Variants in ZFAT observed in about 807,000 individuals in gnomAD.
ZFAT encodes zinc finger protein ZFAT.
In ZFAT, 64 loss-of-function variants were observed where a neutral mutation model predicts 117.7. The ratio of observed to expected loss-of-function variants is 0.54; its 90% CI spans 0.44 to 0.67. The LOEUF is 0.67. ZFAT is among the 30% of genes least tolerant of loss of function. The probability of loss-of-function intolerance (pLI) is 0.00; values close to 1 mark genes in which losing one functional copy is unlikely to be tolerated. For missense variants in ZFAT, 1,433 were observed against 1,584.5 expected (o/e 0.90, Z 1.62); for synonymous variants, 679 against 615.0 (o/e 1.10, Z -1.54).
At position 134,696,113 on chromosome 8, in the gene ZFAT, A is replaced by G. The variant is rs145664090; in HGVS notation, c.19+16732T>C. On this transcript the variant is annotated intron_variant, in intron 1 of 15. Transcript: ENST00000377838. Reference sequence around the variant, plus strand: ...CCAAGCCCTGCCCGCATTTCTAACCAAACAGGCACCACCCTAAGGCCCTGG... The same window carrying G: ...CCAAGCCCTGCCCGCATTTCTAACCGAACAGGCACCACCCTAAGGCCCTGG... Among the ~76,000 whole-genome samples the G allele has an allele frequency of 3.7e-4, 56 of 150,552 alleles. 1 individual carries two copies. The East Asian group carries it at 0.011, about 28-fold the overall frequency.
intron 3 of ZFAT, among the ~76,000 whole-genome samples, chr8:134,629,916 C>A (rs1586849440): frequency 6.6e-6 from 1 of 152,332 alleles, no homozygotes; most frequent in South Asian, 2.1e-4. Flanking sequence ...ACCACCCAGG[C>A]TCTCTTCCCT....
At chr8:134,805,033 G>C in the ZFAT span, 3 of 408,870 alleles carry the variant, frequency 7.3e-6, no homozygotes, top group Admixed American at 7.9e-5. Context: ...ATAATTTCTA[G>C]TGCTGAACAA....
the ZFAT span, chr8:134,783,671 A>G: frequency 6.6e-6 from 1 of 152,238 alleles, no homozygotes; most frequent in East Asian, 1.9e-4. Flanking sequence ...GTCCAGTTCA[A>G]TGACTCACAG....
At chr8:134,538,067 C>A (rs1340264496) in intron 11 of ZFAT, among the ~76,000 whole-genome samples, 2 of 152,166 alleles carry the variant, frequency 1.3e-5, no homozygotes, top group African/African-American at 4.8e-5. Context: ...AGGGCACAAG[C>A]AACTAGCAGA....
intron 11 of ZFAT, among the ~76,000 whole-genome samples, chr8:134,558,866 A>G (rs1823846343): frequency 6.6e-6 from 1 of 152,230 alleles, no homozygotes; most frequent in Non-Finnish European, 1.5e-5. Context: ...TTGTTAAATA[A>G]CACAGCCTAT....
chr8:134,640,870 G>T (rs961784342), intron 2 of ZFAT, among the ~76,000 whole-genome samples: 1 of 152,144 alleles, frequency 6.6e-6, no homozygotes, highest in African/African-American at 2.4e-5. Flanking sequence ...TGAGAATCTT[G>T]GGACTGGGCA....
At chr8:134,662,316 G>A (rs569959934) in intron 1 of ZFAT, among the ~76,000 whole-genome samples, 1 of 152,296 alleles carries the variant, frequency 6.6e-6, no homozygotes, top group South Asian at 2.1e-4. Context: ...ATTTTAGGAG[G>A]AAACAAACAT....
chr8:134,725,975 C>A, the ZFAT span, among the ~76,000 whole-genome samples: 1 of 152,114 alleles, frequency 6.6e-6, no homozygotes, highest in African/African-American at 2.4e-5. Context: ...ATTCCATTAA[C>A]TTATTCCATT....
the ZFAT span, among the ~76,000 whole-genome samples, chr8:134,763,528 G>T: frequency 6.6e-6 from 1 of 151,974 alleles, no homozygotes; most frequent in Non-Finnish European, 1.5e-5. Flanking sequence ...TCCTTACCGT[G>T]CCTTATTTTT....
At position 134,607,329 on chromosome 8, in the gene ZFAT, G is replaced by A. The variant is rs572769934; in HGVS notation, c.785+1400C>T. Among the ~76,000 whole-genome samples the A allele has an allele frequency of 9.8e-5, 15 of 152,294 alleles. No homozygotes were observed. In the South Asian group the frequency reaches 2.7e-3, roughly 27 times the overall value. ...ATTGTTCACATTTACAAGAATAGAG[G>A]ATTGAAGCTACAAATTAATGAAGCA... On this transcript the variant is annotated intron_variant, in intron 5 of 15. Coordinates refer to ENST00000377838, the MANE Select transcript of ZFAT (RefSeq NM_020863.4).
Position 134,478,678 on chromosome 8 carries a change from T to C in ZFAT, c.3536A>G (p.Gln1179Arg). The C allele has an allele frequency of 6.3e-7, 1 of 1,581,188 alleles. No individual in the cohort carries two copies. The highest frequency in any genetic ancestry group is 8.6e-7 in the Non-Finnish European group (1 of 1,164,126). ...EPSSNHTVMI[Q>R]ETVQQASVEL... ...CACGGACGCTTGCTGGACCGTCTCC[T>C]GGATCATGACCGTGTGGTTGGAGCT... Residue 1179 changes from glutamine to arginine, a missense_variant, in exon 16 of 16, where the codon CAG becomes CGG. Physicochemically the swap from Gln to Arg is conservative, Grantham distance 43 (BLOSUM62 1). Transcript: ENST00000377838. This position sits in a 1 kb window ranked among gnomAD's most constrained non-coding sequence, Gnocchi z 5.2.
intron 11 of ZFAT, among the ~76,000 whole-genome samples, chr8:134,541,085 C>T (rs79046845): frequency 0.011 from 1,749 of 152,306 alleles, 34 homozygotes; most frequent in African/African-American, 0.04. Context: ...CGCTTCCTCA[C>T]TTGACCTTAA....
At chr8:134,503,530 G>A (rs887893714) in intron 15 of ZFAT, among the ~76,000 whole-genome samples, 9 of 152,224 alleles carry the variant, frequency 5.9e-5, no homozygotes, top group African/African-American at 1.2e-4. Flanking sequence ...CCAGATATTC[G>A]GTCATACATT....
At chr8:134,607,986 C>A (rs545787528) in intron 5 of ZFAT, among the ~76,000 whole-genome samples, 28 of 152,290 alleles carry the variant, frequency 1.8e-4, no homozygotes, top group African/African-American at 6.5e-4. Context: ...CACAGGAGGT[C>A]TTGAAGTATG....
chr8:134,773,363 C>G, the ZFAT span, among the ~76,000 whole-genome samples: 1 of 152,190 alleles, frequency 6.6e-6, no homozygotes, highest in Non-Finnish European at 1.5e-5. Flanking sequence ...AGATTCTTTT[C>G]AAACCACTGC....
At chr8:134,615,716 A>G (rs1216567317) in intron 3 of ZFAT, among the ~76,000 whole-genome samples, 3 of 152,098 alleles carry the variant, frequency 2.0e-5, no homozygotes, top group African/African-American at 7.2e-5. Context: ...AAGCCCCCAC[A>G]TCCTTCATCA....
the ZFAT span, among the ~76,000 whole-genome samples, chr8:134,753,697 A>G: frequency 6.6e-6 from 1 of 152,266 alleles, no homozygotes; most frequent in Non-Finnish European, 1.5e-5. Context: ...AGTGAAGTCC[A>G]GGTTCACAGA....
chr8:134,610,710 T>A (rs1156513696), intron 3 of ZFAT, 55 bp from the exon 4 acceptor site: 1 of 1,590,070 alleles, frequency 6.3e-7, no homozygotes, highest in African/African-American at 1.3e-5. Context: ...GTGGCAGAGT[T>A]GGAGGGTAAA....
Position 134,547,929 on chromosome 8 carries a change from C to G in ZFAT, c.2977-14957G>C, listed in dbSNP as rs550021560. Among the ~76,000 whole-genome samples, 6 of 152,242 alleles carry G rather than the reference C, an allele frequency of 3.9e-5. No homozygotes were observed. The East Asian group carries it at 9.7e-4, about 25-fold the overall frequency. ...TTACACATGTTTTATCTTGTATTAA[C>G]CTAAAGAGGCCTCTGGCAACTGTGA... On this transcript the variant is annotated intron_variant, in intron 11 of 15. Transcript: ENST00000377838.
Sources: gnomAD v4.1 joint callset for allele counts (sites outside exome capture counted in the v4.1 genomes callset) on GRCh38, gnomAD v4.1.1 for gene constraint, Gnocchi (gnomAD v3.1) non-coding constraint, MANE v1.5 for transcripts, NCBI Gene and HGNC (gene_info 2026-07-23, HGNC 2026-07-21) for gene names.